CTNNA3: variants seen among roughly 807,000 people sequenced by gnomAD.
CTNNA3 encodes catenin alpha-3.
Under a neutral mutation model 95.7 loss-of-function variants are expected in CTNNA3, and 76 were observed. The observed-to-expected ratio is 0.79, with a 90% CI of 0.66 to 0.96. The LOEUF is 0.96. Ranked by LOEUF, CTNNA3 falls within the 40% of genes least tolerant of loss-of-function variation. CTNNA3 has a pLI of 0.00. For synonymous variants in CTNNA3, 431 were observed against 374.4 expected (o/e 1.15, Z -1.74); for missense variants, 1,191 against 1,089.8 (o/e 1.09, Z -1.31).
intron 7 of CTNNA3, among the ~76,000 whole-genome samples, chr10:66,803,960 G>T (rs894374586): frequency 2.1e-3 from 279 of 135,054 alleles, no homozygotes; most frequent in African/African-American, 5.3e-3. Flanking sequence ...GATGCCAGTT[G>T]TTTTTTTTTT....
intron 2 of CTNNA3, among the ~76,000 whole-genome samples, chr10:67,639,641 C>T (rs1323373162): frequency 8.8e-5 from 13 of 147,208 alleles, no homozygotes; most frequent in Admixed American, 8.7e-4. Context: ...AGCAACACAT[C>T]AAAAACCTTA....
At chr10:67,152,537 G>A (rs909749352) in intron 7 of CTNNA3, among the ~76,000 whole-genome samples, 16 of 152,060 alleles carry the variant, frequency 1.1e-4, no homozygotes, top group African/African-American at 3.6e-4. Flanking sequence ...CTTATGAAAT[G>A]ACAAAGAATT....
At chr10:67,719,654 G>T (rs556132827) in intron 1 of CTNNA3, among the ~76,000 whole-genome samples, 91 of 152,258 alleles carry the variant, frequency 6.0e-4, no homozygotes, top group African/African-American at 2.1e-3. Flanking sequence ...ATTGCACTGT[G>T]GTCTGAGAGA....
chr10:66,433,745 A>C lies in CTNNA3; in HGVS notation c.1532-54393T>G, dbSNP rs181294104. Among the ~76,000 whole-genome samples, 71 of 152,224 alleles carry C rather than the reference A, an allele frequency of 4.7e-4. 1 individual carries two copies. The South Asian group carries it at 0.015, about 31-fold the overall frequency. ...GCCTATGTCCTGAATGGTACTGCCT[A>C]GGTTTTCTTCTAGGGCTTTTATGGT... is the stretch of plus-strand genomic sequence containing the variant. On this transcript the variant is annotated intron_variant, in intron 11 of 17. Transcript: ENST00000433211.
intron 15 of CTNNA3, among the ~76,000 whole-genome samples, chr10:66,014,395 G>T (rs1305151814): frequency 6.6e-6 from 1 of 152,160 alleles, no homozygotes; most frequent in East Asian, 1.9e-4. Flanking sequence ...ATGTACAAAG[G>T]CATTACATAA....
chr10:66,190,230 C>G (rs963945927), intron 13 of CTNNA3, among the ~76,000 whole-genome samples: 3 of 152,088 alleles, frequency 2.0e-5, no homozygotes, highest in African/African-American at 7.2e-5. Flanking sequence ...TAGGCAATTT[C>G]TCATCAAAAA....
chr10:66,124,466 C>T (rs923971926), intron 13 of CTNNA3, among the ~76,000 whole-genome samples: 40 of 152,108 alleles, frequency 2.6e-4, no homozygotes, highest in African/African-American at 9.7e-4. Flanking sequence ...TCTTCTGAGC[C>T]CTCCAAACCA....
Position 67,208,224 on chromosome 10 carries a change from A to C in CTNNA3, c.843+11383T>G, listed in dbSNP as rs182026644. On this transcript the variant is annotated intron_variant, in intron 6 of 17. Transcript: ENST00000433211. ...CGTCTCTACTAAAAACACACACACA[A>C]AAAAAATTAGCTGGGCCTGGTGGCA... Among the ~76,000 whole-genome samples the C allele has an allele frequency of 4.6e-3, 687 of 149,830 alleles. 7 individuals are homozygous for C. The highest frequency in any genetic ancestry group is 0.015 in the African/African-American group (622 of 40,594).
intron 10 of CTNNA3, among the ~76,000 whole-genome samples, chr10:66,588,320 G>T (rs1309192669): frequency 6.6e-6 from 1 of 152,090 alleles, no homozygotes; most frequent in Non-Finnish European, 1.5e-5. Flanking sequence ...TTCTTTCAAA[G>T]GGTCTGTAGT....
chr10:67,630,587 G>A (rs1169692312), intron 2 of CTNNA3, among the ~76,000 whole-genome samples: 1 of 152,122 alleles, frequency 6.6e-6, no homozygotes, highest in Non-Finnish European at 1.5e-5. Context: ...GGGGCTGGTA[G>A]GTAAACTTGC....
At chr10:65,991,895 T>C (rs943563595) in intron 15 of CTNNA3, among the ~76,000 whole-genome samples, 2 of 152,124 alleles carry the variant, frequency 1.3e-5, no homozygotes, top group African/African-American at 4.8e-5. Flanking sequence ...TTGTAATATG[T>C]GGCCTTTATT....
intron 9 of CTNNA3, among the ~76,000 whole-genome samples, chr10:66,763,333 C>CAGAG (rs746523452): frequency 0.029 from 3,049 of 103,936 alleles, 86 homozygotes; most frequent in African/African-American, 0.1. Flanking sequence ...CACACACACA[C>CAGAG]ACACACACAG....
intron 9 of CTNNA3, among the ~76,000 whole-genome samples, chr10:66,663,615 A>C (rs1846339308): frequency 1.3e-5 from 2 of 151,784 alleles, no homozygotes; most frequent in Admixed American, 1.3e-4. Context: ...TTTCTCTCCC[A>C]CTCTACTGGA....
chr10:67,569,380 T>G (rs2394409), intron 3 of CTNNA3, among the ~76,000 whole-genome samples: 60,503 of 151,948 alleles, frequency 0.4, 15,358 homozygotes, highest in African/African-American at 0.69. Flanking sequence ...TTCCAGTTTT[T>G]AAAGTATGAG....
intron 11 of CTNNA3, among the ~76,000 whole-genome samples, chr10:66,393,143 C>T (rs1156696610): frequency 6.6e-6 from 1 of 152,002 alleles, no homozygotes; most frequent in Non-Finnish European, 1.5e-5. Flanking sequence ...ATCTGAAAGG[C>T]TACATACTGT....
chr10:66,218,320 TG>T (rs1347104805), intron 13 of CTNNA3, among the ~76,000 whole-genome samples: 9 of 152,092 alleles, frequency 5.9e-5, no homozygotes, highest in Admixed American at 2.0e-4. Flanking sequence ...AGGTTTAGAA[TG>T]TGTGGTCAAT....
At chr10:66,242,361 A>G (rs1010202814) in intron 13 of CTNNA3, among the ~76,000 whole-genome samples, 2 of 152,216 alleles carry the variant, frequency 1.3e-5, no homozygotes, top group African/African-American at 4.8e-5. Flanking sequence ...TTCACTTATT[A>G]AAAGACACCA....
chr10:67,057,969 T>G (rs1182713720), intron 7 of CTNNA3, among the ~76,000 whole-genome samples: 2 of 152,116 alleles, frequency 1.3e-5, no homozygotes, highest in African/African-American at 2.4e-5. Flanking sequence ...AATTCCAGAA[T>G]GATAGGCAAT....
At chr10:66,020,622 G>A (rs1346422146) in intron 15 of CTNNA3, among the ~76,000 whole-genome samples, 1 of 151,690 alleles carries the variant, frequency 6.6e-6, no homozygotes, top group East Asian at 1.9e-4. Flanking sequence ...CCAATTGATT[G>A]GAATATTTCA....
Sources: allele counts gnomAD v4.1 joint callset (sites outside exome capture counted in the v4.1 genomes callset), GRCh38; gene constraint gnomAD v4.1.1; transcripts MANE v1.5; gene names NCBI Gene and HGNC (gene_info 2026-07-23, HGNC 2026-07-21).